BARX2: variants seen among roughly 807,000 people sequenced by gnomAD.
BARX2 encodes the protein BARX homeobox 2, also known as homeobox protein BarH-like 2.
Under a neutral mutation model 25.5 loss-of-function variants are expected in BARX2, and 11 were observed. The ratio of observed to expected loss-of-function variants is 0.43; its 90% confidence interval spans 0.27 to 0.71. The LOEUF (loss-of-function observed/expected upper bound fraction) is 0.71. Ranked by LOEUF, BARX2 falls within the 30% of genes least tolerant of loss-of-function variation. BARX2 has a pLI of 0.19. For missense variants in BARX2, 360 were observed against 359.9 expected (o/e 1.00, Z 0.00); for synonymous variants, 137 against 149.5 (o/e 0.92, Z 0.61).
intron 1 of BARX2, among the ~76,000 whole-genome samples, chr11:129,385,727 G>A (rs1425283659): frequency 2.0e-5 from 3 of 152,198 alleles, no homozygotes; most frequent in Non-Finnish European, 4.4e-5. Flanking sequence ...GTATTACGAT[G>A]TGAAGAAACT....
chr11:129,437,088 C>T, intron 2 of BARX2, 37 bp downstream of exon 2: 1 of 1,496,902 alleles, frequency 6.7e-7, no homozygotes, highest in Non-Finnish European at 8.9e-7. Flanking sequence ...GCAGTGAAGG[C>T]CCCTGGGAAC....
chr11:129,403,656 T>A (rs1348888799), intron 1 of BARX2, among the ~76,000 whole-genome samples: 2 of 152,234 alleles, frequency 1.3e-5, no homozygotes, highest in African/African-American at 4.8e-5. Flanking sequence ...TCATCCTGCT[T>A]CTTGCTGAAA....
chr11:129,428,170 TA>T (rs1298590628), intron 1 of BARX2, among the ~76,000 whole-genome samples: 4 of 152,212 alleles, frequency 2.6e-5, no homozygotes, highest in Non-Finnish European at 5.9e-5. Flanking sequence ...TTCTGTCAAC[TA>T]AAACTGTGTG....
chr11:129,376,568 T>TG lies in BARX2; in HGVS notation c.187+347dup, dbSNP rs1196525923. ...AAATCGTTGTTTCAGGAAGTGGTGG[T>TG]GTGTGTGAATTTCAAACTTGAGCTT... On this transcript the variant is annotated intron_variant, in intron 1 of 3. Coordinates refer to ENST00000281437, the MANE Select transcript of BARX2 (RefSeq NM_003658.5). This position sits in a 1 kb window ranked among gnomAD's most constrained non-coding sequence, Gnocchi z 4.2. Among the ~76,000 whole-genome samples the TG allele has an allele frequency of 6.6e-6, 1 of 152,206 alleles. No individual in the cohort carries two copies. The highest frequency in any genetic ancestry group is 1.5e-5 in the Non-Finnish European group (1 of 68,048).
At chr11:129,399,330 G>A (rs2135392117) in intron 1 of BARX2, among the ~76,000 whole-genome samples, 1 of 152,272 alleles carries the variant, frequency 6.6e-6, no homozygotes, top group South Asian at 2.1e-4. Flanking sequence ...CTTTAGGTTG[G>A]CTGCTGCTTT....
intron 2 of BARX2, 150 bp from the exon 3 acceptor site, chr11:129,442,685 A>G (rs768878915): frequency 1.5e-5 from 11 of 744,758 alleles, no homozygotes; most frequent in Non-Finnish European, 2.2e-5. Flanking sequence ...GGAAGGAAAG[A>G]AAAGCGCTTT....
chr11:129,410,800 T>A (rs1230664558), intron 1 of BARX2, among the ~76,000 whole-genome samples: 10 of 152,156 alleles, frequency 6.6e-5, no homozygotes. Context: ...ACAGCAGGGT[T>A]CACCCCACAG....
At chr11:129,394,023 C>G (rs993267556) in intron 1 of BARX2, among the ~76,000 whole-genome samples, 3 of 151,800 alleles carry the variant, frequency 2.0e-5, no homozygotes, top group African/African-American at 7.2e-5. Flanking sequence ...GTCTGCGTCT[C>G]TCCCCCATTA....
intron 2 of BARX2, chr11:129,438,187 G>A (rs1490448171): frequency 6.6e-6 from 1 of 152,080 alleles, no homozygotes; most frequent in Non-Finnish European, 1.5e-5. Flanking sequence ...GCTGGGTGTA[G>A]TGGCAGGTAC....
At chr11:129,402,502 A>G (rs1861787440) in intron 1 of BARX2, among the ~76,000 whole-genome samples, 1 of 152,212 alleles carries the variant, frequency 6.6e-6, no homozygotes, top group African/African-American at 2.4e-5. Context: ...AGGCCGTTTA[A>G]TATTCAAATG....
intron 1 of BARX2, among the ~76,000 whole-genome samples, chr11:129,411,841 G>A (rs1001038601): frequency 6.6e-6 from 1 of 152,204 alleles, no homozygotes; most frequent in African/African-American, 2.4e-5. Flanking sequence ...AGCTGGGATC[G>A]AGACTCATAG....
At chr11:129,439,966 C>T (rs557846782) in intron 2 of BARX2, among the ~76,000 whole-genome samples, 1 of 152,098 alleles carries the variant, frequency 6.6e-6, no homozygotes, top group African/African-American at 2.4e-5. Context: ...CTCCCTGATA[C>T]CTGCCCAGGC....
In BARX2 at chr11:129,434,760, C is replaced by G. The variant is rs554151201; in HGVS notation, c.188-1991C>G. ...TTCCCTGTCAGTGACTTGGTAGATA[C>G]TGCTTAATTTGTCCTCAAGGATTAT... is the stretch of plus-strand genomic sequence containing the variant. On this transcript the variant is annotated intron_variant, in intron 1 of 3. Transcript: ENST00000281437. Among the ~76,000 whole-genome samples, 9 of 152,248 alleles carry G rather than the reference C, an allele frequency of 5.9e-5. 1 individual carries two copies. Among genetic ancestry groups the G allele is most frequent in the East Asian group, 1.9e-4 (1 of 5,178 alleles).
rs1206888774 is a variant in BARX2, at chr11:129,451,093, G to A, written c.574-43G>A. 6 of 1,593,960 alleles carry A rather than the reference G, an allele frequency of 3.8e-6. No homozygotes were observed. In the Admixed American group the frequency reaches 5.1e-5, roughly 14 times the overall value. On this transcript the variant is annotated intron_variant, in intron 3 of 3. Transcript: ENST00000281437. Reference sequence around the variant, plus strand: ...ACTGGGAGTGGAAAGGTGGAGGGAAGGAATTATTTCTTAGATTCAATAACA... The same window carrying A: ...ACTGGGAGTGGAAAGGTGGAGGGAAAGAATTATTTCTTAGATTCAATAACA...
At position 129,436,454 on chromosome 11, in the gene BARX2, C is replaced by CA. The variant is rs1555140035; in HGVS notation, c.188-295dup. On this transcript the variant is annotated intron_variant, in intron 1 of 3. Coordinates refer to ENST00000281437, the MANE Select transcript of BARX2 (RefSeq NM_003658.5). This position sits in a 1 kb window ranked among gnomAD's most constrained non-coding sequence, Gnocchi z 4.5. ...TTTTCATCTGCCTGGTCCCATGGAC[C>CA]AAGAATTTAGGGATTCCGAAGGGAG... 5.5e-6 allele frequency: 2 copies of CA among 365,356 alleles called. No individual in the cohort carries two copies. The highest frequency in any genetic ancestry group is 4.9e-6 in the Non-Finnish European group (1 of 204,924). 22.6% of individuals were successfully genotyped at this position (365,356 alleles called of 1,614,324 possible).
At chr11:129,389,838 T>G (rs968964128) in intron 1 of BARX2, among the ~76,000 whole-genome samples, 1 of 152,142 alleles carries the variant, frequency 6.6e-6, no homozygotes, top group Non-Finnish European at 1.5e-5. Context: ...GGTAGCAGTA[T>G]GACAACTAAT....
chr11:129,442,088 T>A (rs1862267686), intron 2 of BARX2, among the ~76,000 whole-genome samples: 1 of 152,220 alleles, frequency 6.6e-6, no homozygotes. Flanking sequence ...ATGTTTCTTT[T>A]GGAATCTTTA....
At chr11:129,406,149 AT>A (rs1861827267) in intron 1 of BARX2, among the ~76,000 whole-genome samples, 1 of 152,264 alleles carries the variant, frequency 6.6e-6, no homozygotes, top group Non-Finnish European at 1.5e-5. Flanking sequence ...GTACTAAATC[AT>A]GATAAACACA....
intron 1 of BARX2, among the ~76,000 whole-genome samples, chr11:129,413,671 G>A (rs569077356): frequency 6.6e-6 from 1 of 152,208 alleles, no homozygotes; most frequent in Admixed American, 6.5e-5. Flanking sequence ...GAAGCTTAGG[G>A]GCCTGAGAGA....
Sources: allele counts gnomAD v4.1 joint callset (sites outside exome capture counted in the v4.1 genomes callset), GRCh38; gene constraint gnomAD v4.1.1; non-coding constraint Gnocchi (gnomAD v3.1); transcripts MANE v1.5; gene names NCBI Gene and HGNC (gene_info 2026-07-23, HGNC 2026-07-21).